Variants in PDE4D observed in about 807,000 individuals in gnomAD.
PDE4D encodes the protein 3',5'-cyclic-AMP phosphodiesterase 4D.
Under a neutral mutation model 87.4 loss-of-function variants are expected in PDE4D, and 24 were observed. The ratio of observed to expected loss-of-function variants is 0.27; its 90% CI spans 0.20 to 0.39. The LOEUF (loss-of-function observed/expected upper bound fraction) is 0.39, where lower values mean the gene tolerates loss of function less well. Among genes scored for constraint, PDE4D ranks in the 10% least tolerant of loss-of-function variants. PDE4D has a pLI of 1.00. For synonymous variants in PDE4D, 384 were observed against 383.2 expected (o/e 1.00, Z -0.02); for missense variants, 714 against 1,041.0 (o/e 0.69, Z 4.32).
chr5:60,107,743 A>G lies in PDE4D; in HGVS notation c.42+77814T>C, dbSNP rs1309670523. Among the ~76,000 whole-genome samples the G allele has an allele frequency of 6.6e-5, 10 of 152,300 alleles. 1 individual carries two copies. The highest frequency in any genetic ancestry group is 2.4e-4 in the African/African-American group (10 of 41,560). ...AAATGTAATCAAGCATATAAACAGA[A>G]CCGAAGACAAAAACCACATGATTAT... On this transcript the variant is annotated intron_variant, in intron 2 of 16. Transcript: ENST00000502484.
intron 1 of PDE4D, among the ~76,000 whole-genome samples, chr5:59,755,163 A>G (rs987142354): frequency 6.6e-6 from 1 of 152,184 alleles, no homozygotes; most frequent in Non-Finnish European, 1.5e-5. Context: ...TTATTACCTT[A>G]AGAAGAAAGA....
At chr5:59,782,525 T>C (rs1339414826) in intron 1 of PDE4D, among the ~76,000 whole-genome samples, 4 of 152,234 alleles carry the variant, frequency 2.6e-5, no homozygotes, top group Non-Finnish European at 5.9e-5. Flanking sequence ...TCTCTCATTT[T>C]GTCTTAATAG....
chr5:59,614,014 T>C (rs542438474), intron 1 of PDE4D, among the ~76,000 whole-genome samples: 259 of 152,216 alleles, frequency 1.7e-3, no homozygotes, highest in African/African-American at 6.2e-3. Context: ...TTTCTATAAC[T>C]CAAAAAAATA....
chr5:59,986,157 C>T (rs1348119782), intron 3 of PDE4D, among the ~76,000 whole-genome samples: 1 of 152,104 alleles, frequency 6.6e-6, no homozygotes, highest in Admixed American at 6.5e-5. Context: ...CAGGCTGAAG[C>T]GATCCTCCTG....
At chr5:59,883,024 C>A (rs1223571587) in intron 1 of PDE4D, among the ~76,000 whole-genome samples, 1 of 152,110 alleles carries the variant, frequency 6.6e-6, no homozygotes, top group African/African-American at 2.4e-5. Context: ...AGTGATCTGC[C>A]CGTCTTGGCC....
intron 5 of PDE4D, among the ~76,000 whole-genome samples, chr5:59,160,816 G>C (rs1444028468): frequency 6.6e-6 from 1 of 152,116 alleles, no homozygotes; most frequent in African/African-American, 2.4e-5. Context: ...AGTTGTTTTT[G>C]GCCGGGTGTG....
chr5:60,500,337 A>T (rs1390773605), intron 1 of PDE4D, among the ~76,000 whole-genome samples: 1 of 152,060 alleles, frequency 6.6e-6, no homozygotes, highest in African/African-American at 2.4e-5. Flanking sequence ...GAAGAAGGAG[A>T]AGAAGGAAGA....
intron 3 of PDE4D, among the ~76,000 whole-genome samples, chr5:59,919,996 G>A (rs920523099): frequency 6.6e-6 from 1 of 152,094 alleles, no homozygotes; most frequent in Non-Finnish European, 1.5e-5. Flanking sequence ...AAAGATATAA[G>A]TATGAAATCT....
intron 1 of PDE4D, among the ~76,000 whole-genome samples, chr5:59,721,134 TCA>T (rs1399320620): frequency 3.3e-5 from 5 of 152,236 alleles, no homozygotes; most frequent in African/African-American, 1.2e-4. Context: ...TCTATTTTTC[TCA>T]GTTTAGATCG....
intron 1 of PDE4D, among the ~76,000 whole-genome samples, chr5:59,837,877 C>T (rs1011983653): frequency 6.6e-6 from 1 of 152,038 alleles, no homozygotes; most frequent in Non-Finnish European, 1.5e-5. Flanking sequence ...TTCTTCTATA[C>T]ATTATCCACA....
chr5:60,248,330 C>T (rs977606510), intron 1 of PDE4D, among the ~76,000 whole-genome samples: 5 of 151,936 alleles, frequency 3.3e-5, no homozygotes, highest in Admixed American at 1.3e-4. Context: ...CTGAAGGGAG[C>T]GAGTGACAGT....
intron 1 of PDE4D, among the ~76,000 whole-genome samples, chr5:59,509,369 T>C (rs1238545811): frequency 6.7e-6 from 1 of 149,052 alleles, no homozygotes; most frequent in Non-Finnish European, 1.5e-5. Context: ...TATTGGAGAG[T>C]CACTAGAGAA....
At chr5:59,637,098 A>G (rs910108143) in intron 1 of PDE4D, among the ~76,000 whole-genome samples, 2 of 152,260 alleles carry the variant, frequency 1.3e-5, no homozygotes, top group Non-Finnish European at 2.9e-5. Flanking sequence ...ATGGACAGAC[A>G]ATTCTCAAAA....
intron 1 of PDE4D, among the ~76,000 whole-genome samples, chr5:59,347,335 CA>C (rs1195181888): frequency 2.6e-5 from 4 of 151,990 alleles, no homozygotes; most frequent in Non-Finnish European, 5.9e-5. Context: ...AGTTAATTGC[CA>C]AAAAGGGATC....
intron 1 of PDE4D, among the ~76,000 whole-genome samples, chr5:59,390,966 T>C (rs747287087): frequency 6.6e-6 from 1 of 152,174 alleles, no homozygotes; most frequent in Non-Finnish European, 1.5e-5. Context: ...TGGATGTGCC[T>C]CTTATTAGAG....
intron 1 of PDE4D, among the ~76,000 whole-genome samples, chr5:60,373,022 T>C (rs1454427167): frequency 1.3e-5 from 2 of 152,154 alleles, no homozygotes; most frequent in Non-Finnish European, 1.5e-5. Context: ...AATTATTAAC[T>C]CCCCTACGTC....
At chr5:59,219,536 G>T (rs546559287) in intron 1 of PDE4D, among the ~76,000 whole-genome samples, 1 of 152,040 alleles carries the variant, frequency 6.6e-6, no homozygotes, top group Non-Finnish European at 1.5e-5. Flanking sequence ...GAGAGACTTT[G>T]TATTTTGAAA....
chr5:59,821,655 A>G (rs1769694055), intron 1 of PDE4D, among the ~76,000 whole-genome samples: 1 of 152,202 alleles, frequency 6.6e-6, no homozygotes, highest in East Asian at 1.9e-4. Context: ...TGTTGAGCAC[A>G]TGTGCATTTC....
Position 58,990,828 on chromosome 5 carries a change from A to G in PDE4D, c.1263T>C (p.Thr421=). 6.3e-7 allele frequency: 1 copy of G among 1,596,062 alleles called. No individual in the cohort carries two copies. The highest frequency in any genetic ancestry group is 1.1e-5 in the South Asian group (1 of 88,346). The stretch of plus-strand genomic sequence containing the variant: ...CCTGAAAAATGGTGTGCATGATAAC[A>G]GTCAAGGGCCGGTTACCAGACAACT... The part of the protein sequence containing the change: ...IAELSGNRPL[T]VIMHTIFQER... The change falls in exon 9 of 15, where the codon ACT becomes ACC. Residue 421 remains threonine (T), a synonymous_variant. Coordinates refer to ENST00000340635, the MANE Select transcript of PDE4D (RefSeq NM_001104631.2).
Sources: gnomAD v4.1 joint callset for allele counts (sites outside exome capture counted in the v4.1 genomes callset) on GRCh38, gnomAD v4.1.1 for gene constraint, MANE v1.5 for transcripts, NCBI Gene and HGNC (gene_info 2026-07-23, HGNC 2026-07-21) for gene names.